MACROD2: variants seen among roughly 807,000 people sequenced by gnomAD.
The protein encoded by MACROD2 is ADP-ribose glycohydrolase MACROD2.
A neutral mutation model predicts 70.4 loss-of-function variants in MACROD2; 36 were observed. That is an observed-to-expected ratio of 0.51 (90% CI 0.39 to 0.68). The LOEUF is 0.68. Among genes scored for constraint, MACROD2 ranks in the 30% least tolerant of loss-of-function variants. MACROD2 has a pLI of 0.00. For missense variants in MACROD2, 496 were observed against 538.4 expected (o/e 0.92, Z 0.78); for synonymous variants, 172 against 178.8 (o/e 0.96, Z 0.30).
intron 5 of MACROD2, among the ~76,000 whole-genome samples, chr20:14,881,151 A>G (rs1420207512): frequency 1.3e-5 from 2 of 152,008 alleles, no homozygotes; most frequent in African/African-American, 4.8e-5. Flanking sequence ...AAAGGAAAAT[A>G]TTAATTCCTG....
intron 15 of MACROD2, among the ~76,000 whole-genome samples, chr20:16,007,345 C>G (rs1010256980): frequency 5.3e-5 from 8 of 152,130 alleles, no homozygotes; most frequent in African/African-American, 1.7e-4. Flanking sequence ...CCACAGAAAC[C>G]AGTTGCATTG....
intron 3 of MACROD2, among the ~76,000 whole-genome samples, chr20:14,408,921 A>G (rs2083719145): frequency 2.0e-5 from 3 of 152,134 alleles, no homozygotes; most frequent in Admixed American, 6.6e-5. Context: ...GCCTTGAGTC[A>G]GTCAAAGTAA....
chr20:14,113,522 A>G (rs1024842312), intron 3 of MACROD2, among the ~76,000 whole-genome samples: 14 of 152,082 alleles, frequency 9.2e-5, no homozygotes, highest in African/African-American at 2.7e-4. Flanking sequence ...TTAGTGTGCA[A>G]TCAGTCACTG....
intron 2 of MACROD2, among the ~76,000 whole-genome samples, chr20:14,084,083 A>AAC (rs1445244354): frequency 4.8e-5 from 7 of 145,016 alleles, no homozygotes; most frequent in African/African-American, 1.8e-4. Flanking sequence ...AAAAACAAAC[A>AAC]AAAAAAAACC....
chr20:15,147,629 T>G (rs955806769), intron 5 of MACROD2, among the ~76,000 whole-genome samples: 3 of 152,198 alleles, frequency 2.0e-5, no homozygotes, highest in Admixed American at 1.3e-4. Context: ...CTGGAATCCA[T>G]ATCCAGTGGT....
chr20:15,020,616 G>A (rs1358162215), intron 5 of MACROD2, among the ~76,000 whole-genome samples: 1 of 152,062 alleles, frequency 6.6e-6, no homozygotes, highest in African/African-American at 2.4e-5. Flanking sequence ...ACATCGTAGA[G>A]TGATTTATGC....
intron 2 of MACROD2, among the ~76,000 whole-genome samples, chr20:14,046,947 G>T (rs2053486189): frequency 6.6e-6 from 1 of 151,926 alleles, no homozygotes; most frequent in African/African-American, 2.4e-5. Flanking sequence ...ATAAACTGTG[G>T]TATATCTATC....
At position 14,915,613 on chromosome 20, in the gene MACROD2, T is replaced by A. The variant is rs555713342; in HGVS notation, c.418+230654T>A. 3.3e-5 allele frequency among the ~76,000 whole-genome samples: 5 copies of A among 152,308 alleles called. No individual in the cohort carries two copies. The South Asian group carries it at 1.0e-3, about 32-fold the overall frequency. On this transcript the variant is annotated intron_variant, in intron 5 of 17. Transcript: ENST00000684519. ...CTTGCCTCGGCGTCCGAGGAGCGGC[T>A]GTGCCCGACTGTGTGAGGCCGCCCA...
At chr20:15,166,027 C>G in intron 5 of MACROD2, among the ~76,000 whole-genome samples, 1 of 152,016 alleles carries the variant, frequency 6.6e-6, no homozygotes, top group African/African-American at 2.4e-5. Context: ...TCTATTGATG[C>G]GAAATATTTA....
chr20:14,384,622 A>C (rs1268600581), intron 3 of MACROD2, among the ~76,000 whole-genome samples: 1 of 152,174 alleles, frequency 6.6e-6, no homozygotes, highest in Non-Finnish European at 1.5e-5. Context: ...ATGGAGTCTG[A>C]GCAAGTGGAT....
chr20:14,563,401 G>T (rs1029803898), intron 4 of MACROD2, among the ~76,000 whole-genome samples: 1 of 151,908 alleles, frequency 6.6e-6, no homozygotes, highest in Non-Finnish European at 1.5e-5. Context: ...ATATTTAAAC[G>T]TTAGCAGTTA....
chr20:15,224,666 C>T (rs945006989), intron 5 of MACROD2, among the ~76,000 whole-genome samples: 4 of 152,228 alleles, frequency 2.6e-5, no homozygotes, highest in South Asian at 4.1e-4. Context: ...ATGCTCTGGC[C>T]GGGTGTGGTG....
intron 8 of MACROD2, among the ~76,000 whole-genome samples, chr20:15,527,640 G>A (rs1319458921): frequency 1.3e-5 from 2 of 152,136 alleles, no homozygotes; most frequent in Non-Finnish European, 2.9e-5. Context: ...GATCATCAGT[G>A]TAAGGCTTCA....
intron 8 of MACROD2, among the ~76,000 whole-genome samples, chr20:15,844,886 A>T (rs1176502436): frequency 6.6e-6 from 1 of 152,126 alleles, no homozygotes; most frequent in Non-Finnish European, 1.5e-5. Context: ...CAGAAATATC[A>T]TGATGAAGAA....
chr20:13,995,838 C>CGGGGGGGGG lies in MACROD2; in HGVS notation c.46+32_46+33insGGGGGGGGG. 1 of 366,152 alleles carries CGGGGGGGGG rather than the reference C, an allele frequency of 2.7e-6. No individual in the cohort carries two copies. The highest frequency in any genetic ancestry group is 5.2e-6 in the Non-Finnish European group (1 of 194,130). 22.7% of individuals were successfully genotyped at this position (366,152 alleles called of 1,614,324 possible). A position where few individuals can be genotyped will look rare whatever the true frequency, so the allele number is the denominator to read the frequency against. ...ACCGGCCCGTCGAGTCCTGGGGGTG[C>CGGGGGGGGG]GGGCGGTGGGGGTTAGGGTGGGGGC... On this transcript the variant is annotated intron_variant, in intron 1 of 17. Coordinates refer to ENST00000684519, the MANE Select transcript of MACROD2 (RefSeq NM_001351661.2). The surrounding 1 kb of genome is among the most constrained non-coding windows in gnomAD (Gnocchi z 4.3).
intron 8 of MACROD2, chr20:15,552,241 G>A (rs911480672): frequency 9.9e-5 from 15 of 152,132 alleles, no homozygotes; most frequent in African/African-American, 3.6e-4. Flanking sequence ...TTGACAGCTT[G>A]TAAACGTGCA....
Position 14,462,496 on chromosome 20 carries a change from C to G in MACROD2, c.272-30983C>G, listed in dbSNP as rs2084384418. ...CCATTCTGTAGGTTGCCTGTTCACTCTGATGGTAGTTTCTTTTGCTGTGCA... is the reference window on the plus strand; with the variant it reads ...CCATTCTGTAGGTTGCCTGTTCACTGTGATGGTAGTTTCTTTTGCTGTGCA... On this transcript the variant is annotated intron_variant, in intron 3 of 17. Transcript: ENST00000684519. Among the ~76,000 whole-genome samples, 3 of 152,032 alleles carry G rather than the reference C, an allele frequency of 2.0e-5. 1 individual carries two copies. The highest frequency in any genetic ancestry group is 7.3e-5 in the African/African-American group (3 of 41,328).
chr20:14,111,785 G>A (rs1026971654), intron 3 of MACROD2, among the ~76,000 whole-genome samples: 20 of 151,960 alleles, frequency 1.3e-4, no homozygotes, highest in African/African-American at 4.6e-4. Context: ...TACAATCACT[G>A]TGGAGAACAG....
At chr20:15,013,852 C>A (rs143754459) in intron 5 of MACROD2, among the ~76,000 whole-genome samples, 1 of 152,132 alleles carries the variant, frequency 6.6e-6, no homozygotes, top group Non-Finnish European at 1.5e-5. Flanking sequence ...AGCTTAGTGA[C>A]TGAAATGAAG....
Sources: allele counts gnomAD v4.1 joint callset (sites outside exome capture counted in the v4.1 genomes callset), GRCh38; gene constraint gnomAD v4.1.1; non-coding constraint Gnocchi (gnomAD v3.1); transcripts MANE v1.5; gene names NCBI Gene and HGNC (gene_info 2026-07-23, HGNC 2026-07-21).